CECR2: variants seen among roughly 807,000 people sequenced by gnomAD.
CECR2 encodes CECR2 histone acetyl-lysine reader, also known as chromatin remodeling regulator CECR2.
A neutral mutation model predicts 154.5 loss-of-function variants in CECR2; 30 were observed. That is an observed-to-expected ratio of 0.19 (90% confidence interval 0.15 to 0.26). CECR2 has a LOEUF of 0.26. Among genes scored for constraint, CECR2 ranks in the 10% least tolerant of loss-of-function variants. CECR2 has a pLI of 1.00. For synonymous variants in CECR2, 725 were observed against 683.7 expected (o/e 1.06, Z -0.94); for missense variants, 1,743 against 1,829.3 (o/e 0.95, Z 0.86).
At chr22:17,394,620 C>G (rs575701118) in intron 1 of CECR2, among the ~76,000 whole-genome samples, 1 of 152,146 alleles carries the variant, frequency 6.6e-6, no homozygotes, top group South Asian at 2.1e-4. Context: ...CCTCCTTTTT[C>G]AGGATTATTT....
intron 1 of CECR2, among the ~76,000 whole-genome samples, chr22:17,391,148 A>G (rs2063321585): frequency 6.6e-6 from 1 of 152,220 alleles, no homozygotes; most frequent in Admixed American, 6.5e-5. Context: ...TATGACCACA[A>G]TGTTATACTC....
chr22:17,530,806 G>A (rs1358425417), intron 9 of CECR2, among the ~76,000 whole-genome samples: 1 of 152,148 alleles, frequency 6.6e-6, no homozygotes, highest in Non-Finnish European at 1.5e-5. Context: ...TAAGAGGGAA[G>A]GAAATTCTGA....
intron 2 of CECR2, among the ~76,000 whole-genome samples, chr22:17,482,687 C>G (rs533456973): frequency 6.6e-6 from 1 of 151,866 alleles, no homozygotes; most frequent in Non-Finnish European, 1.5e-5. Context: ...GCGTGCACCA[C>G]CAGGCCCATC....
At position 17,556,014 on chromosome 22, in the gene CECR2, C is replaced by T. The variant is rs1429849434; in HGVS notation, c.*3174C>T. On this transcript the variant is annotated 3_prime_UTR_variant, in exon 19 of 19. Coordinates refer to ENST00000262608, the MANE Select transcript of CECR2 (RefSeq NM_001290047.2). ...AATTAAAAAATAGTTTTTAATTCAGCTACTTTTTCCCCTCAGTTAAAAGGT... is the reference window on the plus strand; with the variant it reads ...AATTAAAAAATAGTTTTTAATTCAGTTACTTTTTCCCCTCAGTTAAAAGGT... 3 of 152,194 alleles carry T rather than the reference C, an allele frequency of 2.0e-5. No individual in the cohort carries two copies. The highest frequency in any genetic ancestry group is 7.2e-5 in the African/African-American group (3 of 41,454). The allele number at this position is 152,194 out of a possible 1,614,324, so 9.4% of individuals were successfully genotyped here.
chr22:17,388,384 G>C (rs193164025), intron 1 of CECR2, among the ~76,000 whole-genome samples: 1 of 152,320 alleles, frequency 6.6e-6, no homozygotes, highest in African/African-American at 2.4e-5. Flanking sequence ...CATGAGGCAG[G>C]CATCACCATG....
chr22:17,541,104 C>T (rs949048821), intron 14 of CECR2, among the ~76,000 whole-genome samples: 1 of 152,124 alleles, frequency 6.6e-6, no homozygotes, highest in Non-Finnish European at 1.5e-5. Flanking sequence ...TCTAAATCCT[C>T]CTTTTTCTCA....
intron 9 of CECR2, 33 bp from the exon 10 acceptor site, chr22:17,537,070 G>T (rs375807365): frequency 6.2e-7 from 1 of 1,611,806 alleles, no homozygotes; most frequent in African/African-American, 1.3e-5. Flanking sequence ...TCTGGAGTGT[G>T]CTTAGCTCAC....
intron 2 of CECR2, among the ~76,000 whole-genome samples, chr22:17,487,398 G>A (rs1402190703): frequency 6.6e-6 from 1 of 152,198 alleles, no homozygotes; most frequent in Admixed American, 6.5e-5. Flanking sequence ...GGTTTAAGCA[G>A]CGTAAAAATA....
At chr22:17,459,060 C>CTAA (rs1393415253) in intron 1 of CECR2, among the ~76,000 whole-genome samples, 1 of 152,166 alleles carries the variant, frequency 6.6e-6, no homozygotes, top group African/African-American at 2.4e-5. Flanking sequence ...CCTTCTTACC[C>CTAA]TAAGCACTTC....
At chr22:17,369,051 G>A (rs1329460540), upstream of CECR2, among the ~76,000 whole-genome samples, 1 of 152,058 alleles carries the variant, frequency 6.6e-6, no homozygotes, top group Non-Finnish European at 1.5e-5. Flanking sequence ...CTCTGCCCTC[G>A]GCATCAATAA....
At chr22:17,485,575 C>T (rs1365893216) in intron 2 of CECR2, among the ~76,000 whole-genome samples, 1 of 152,102 alleles carries the variant, frequency 6.6e-6, no homozygotes, top group Non-Finnish European at 1.5e-5. Context: ...TCGAGACCAG[C>T]CTGGGCAACA....
chr22:17,434,226 G>A (rs1442047775), intron 1 of CECR2, among the ~76,000 whole-genome samples: 1 of 152,224 alleles, frequency 6.6e-6, no homozygotes, highest in Non-Finnish European at 1.5e-5. Flanking sequence ...CTGTCAAGGT[G>A]AGTGGGAACA....
intron 1 of CECR2, among the ~76,000 whole-genome samples, chr22:17,403,485 T>A (rs1361549103): frequency 6.6e-6 from 1 of 152,236 alleles, no homozygotes. Context: ...GCAAACTTGT[T>A]TTCCAAAGTA....
intron 1 of CECR2, among the ~76,000 whole-genome samples, chr22:17,431,820 A>G (rs906686609): frequency 6.6e-6 from 1 of 152,018 alleles, no homozygotes; most frequent in African/African-American, 2.4e-5. Flanking sequence ...CAAACCGTAC[A>G]ATTAACTCAT....
At chr22:17,469,429 G>A (rs911608348) in intron 1 of CECR2, among the ~76,000 whole-genome samples, 13 of 152,110 alleles carry the variant, frequency 8.5e-5, no homozygotes, top group Non-Finnish European at 1.3e-4. Context: ...AATTAGTTTC[G>A]ACGGGGTCAT....
Position 17,461,308 on chromosome 22 carries a change from A to AT in CECR2, c.127-16272dup, listed in dbSNP as rs918634022. Among the ~76,000 whole-genome samples the AT allele has an allele frequency of 5.8e-4, 89 of 152,140 alleles. 1 individual carries two copies. The highest frequency in any genetic ancestry group is 1.9e-3 in the African/African-American group (80 of 41,504). Reference sequence around the variant, plus strand: ...CCACCAGTCTCCTAAAACAATGGTGATTTTTTTTAAGAAAGTTATTTCCTT... The same window carrying AT: ...CCACCAGTCTCCTAAAACAATGGTGATTTTTTTTTAAGAAAGTTATTTCCTT... On this transcript the variant is annotated intron_variant, in intron 1 of 18. Transcript: ENST00000262608.
chr22:17,417,766 G>A (rs1425403874), intron 1 of CECR2, among the ~76,000 whole-genome samples: 2 of 151,908 alleles, frequency 1.3e-5, no homozygotes, highest in Admixed American at 6.6e-5. Context: ...CTATAGACAC[G>A]TGCCACCATG....
At chr22:17,362,678 T>C (rs1601223884) in intron 1 of CECR2, among the ~76,000 whole-genome samples, 1 of 151,406 alleles carries the variant, frequency 6.6e-6, no homozygotes, top group Non-Finnish European at 1.5e-5. Context: ...CCAACAGGGG[T>C]GGATCATGAG....
chr22:17,465,062 T>C (rs1468876812), intron 1 of CECR2, among the ~76,000 whole-genome samples: 1 of 150,620 alleles, frequency 6.6e-6, no homozygotes, highest in Non-Finnish European at 1.5e-5. Flanking sequence ...AGTGGCGCGA[T>C]CTCAGCTCAC....
Sources: allele counts gnomAD v4.1 joint callset (sites outside exome capture counted in the v4.1 genomes callset), GRCh38; gene constraint gnomAD v4.1.1; transcripts MANE v1.5; gene names NCBI Gene and HGNC (gene_info 2026-07-23, HGNC 2026-07-21).